ZNF362: variants seen among roughly 807,000 people sequenced by gnomAD.
ZNF362 encodes the protein rotund homolog.
Under a neutral mutation model 42.9 loss-of-function variants are expected in ZNF362, and 11 were observed. The ratio of observed to expected loss-of-function variants is 0.26; its 90% CI spans 0.16 to 0.42. The LOEUF (loss-of-function observed/expected upper bound fraction) is 0.42, where lower values mean the gene tolerates loss of function less well. ZNF362 is among the 20% of genes least tolerant of loss of function. The pLI, the probability that ZNF362 is intolerant of heterozygous loss-of-function variation, is 1.00. For missense variants in ZNF362, 362 were observed against 576.2 expected (o/e 0.63, Z 3.81); for synonymous variants, 255 against 257.3 (o/e 0.99, Z 0.09).
At chr1:33,165,874 C>T in the ZNF362 span, 7,219 of 229,780 alleles carry the variant, frequency 0.031, 168 homozygotes, top group Middle Eastern at 0.062. This position sits in a 1 kb window ranked among gnomAD's most constrained non-coding sequence, Gnocchi z 4.0. Flanking sequence ...CCTGGATCCC[C>T]GCTTAGAATT....
chr1:33,288,645 T>TGA (rs917475006), intron 6 of ZNF362, among the ~76,000 whole-genome samples: 1 of 147,640 alleles, frequency 6.8e-6, no homozygotes, highest in Non-Finnish European at 1.5e-5. Flanking sequence ...CTTGGGAGGC[T>TGA]GAGGCAGGAT....
chr1:33,251,517 C>T (rs1455106386), upstream of ZNF362, among the ~76,000 whole-genome samples: 1 of 152,206 alleles, frequency 6.6e-6, no homozygotes, highest in Non-Finnish European at 1.5e-5. Context: ...TCAGCAACCA[C>T]ATGGACCTTT....
the ZNF362 span, among the ~76,000 whole-genome samples, chr1:33,243,401 G>A: frequency 6.6e-6 from 1 of 151,642 alleles, no homozygotes; most frequent in Non-Finnish European, 1.5e-5. Context: ...GGCCAGGCTG[G>A]TCTTGAAATC....
At chr1:33,248,816 T>C in the ZNF362 span, among the ~76,000 whole-genome samples, 3 of 152,212 alleles carry the variant, frequency 2.0e-5, no homozygotes, top group African/African-American at 7.2e-5. Context: ...AGTTGAATAA[T>C]GGCTAGCTCT....
chr1:33,236,550 A>AAAAAAAAT, the ZNF362 span, among the ~76,000 whole-genome samples: 44 of 5,982 alleles, frequency 7.4e-3, 3 homozygotes, highest in African/African-American at 0.017. Context: ...AAAAAAAAAA[A>AAAAAAAAT]ATATATATAT....
At chr1:33,173,913 G>A in the ZNF362 span, among the ~76,000 whole-genome samples, 1 of 151,948 alleles carries the variant, frequency 6.6e-6, no homozygotes, top group South Asian at 2.1e-4. Flanking sequence ...TGCCCAGGAT[G>A]GTCTCGAACT....
At chr1:33,238,294 G>C in the ZNF362 span, among the ~76,000 whole-genome samples, 1 of 118,536 alleles carries the variant, frequency 8.4e-6, no homozygotes, top group South Asian at 2.8e-4. Context: ...ACGCCAGCCC[G>C]GGTGACAGTG....
chr1:33,282,378 A>G (rs1646002036), intron 6 of ZNF362, among the ~76,000 whole-genome samples: 1 of 152,234 alleles, frequency 6.6e-6, no homozygotes, highest in South Asian at 2.1e-4. Flanking sequence ...CCATTTAACA[A>G]ATACTTATAG....
chr1:33,285,693 T>C (rs562893186), intron 6 of ZNF362, among the ~76,000 whole-genome samples: 2 of 152,340 alleles, frequency 1.3e-5, no homozygotes, highest in South Asian at 4.1e-4. Flanking sequence ...GAGTTTCTCT[T>C]TTTATTTGCC....
chr1:33,203,727 T>C, the ZNF362 span, among the ~76,000 whole-genome samples: 4 of 152,340 alleles, frequency 2.6e-5, no homozygotes, highest in South Asian at 2.1e-4. Flanking sequence ...ATTAGTGATG[T>C]TGAACACCTT....
At chr1:33,138,382 C>T in the ZNF362 span, among the ~76,000 whole-genome samples, 2 of 152,242 alleles carry the variant, frequency 1.3e-5, no homozygotes, top group African/African-American at 4.8e-5. Flanking sequence ...AAAGGCTGGT[C>T]TAGGTGCAGT....
chr1:33,159,617 C>T, the ZNF362 span: 15 of 1,524,668 alleles, frequency 9.8e-6, no homozygotes, highest in Non-Finnish European at 1.3e-5. This position sits in a 1 kb window ranked among gnomAD's most constrained non-coding sequence, Gnocchi z 4.2. Context: ...CATCTGCCTC[C>T]ACTCCCACTG....
the ZNF362 span, among the ~76,000 whole-genome samples, chr1:33,205,594 C>T: frequency 4.6e-5 from 7 of 151,864 alleles, no homozygotes; most frequent in Non-Finnish European, 1.0e-4. Flanking sequence ...CTACAGTAGT[C>T]AAGATATTTT....
chr1:33,213,356 C>G, the ZNF362 span, among the ~76,000 whole-genome samples: 1 of 152,096 alleles, frequency 6.6e-6, no homozygotes, highest in Non-Finnish European at 1.5e-5. Context: ...ACATAACAAC[C>G]TCTCAAAATT....
intron 7 of ZNF362, 32 bp downstream of exon 7, chr1:33,295,047 T>A (rs1646109438): frequency 1.2e-6 from 2 of 1,612,364 alleles, no homozygotes; most frequent in Non-Finnish European, 1.7e-6. Context: ...GCCCACCAGG[T>A]GCTCTGGTGC....
chr1:33,269,867 C>T (rs1369595144), intron 1 of ZNF362, among the ~76,000 whole-genome samples: 1 of 152,134 alleles, frequency 6.6e-6, no homozygotes. Flanking sequence ...CTGAAAGTCT[C>T]CAGGTGGCAG....
chr1:33,269,910 C>A (rs1423423028), intron 1 of ZNF362, among the ~76,000 whole-genome samples: 1 of 152,132 alleles, frequency 6.6e-6, no homozygotes, highest in East Asian at 1.9e-4. Context: ...TTCCTCAGTA[C>A]CCCCTCCCTC....
the ZNF362 span, among the ~76,000 whole-genome samples, chr1:33,144,886 G>A: frequency 4.6e-5 from 7 of 152,204 alleles, no homozygotes; most frequent in African/African-American, 4.8e-5. Flanking sequence ...ACTGACTCTG[G>A]GAGGCAGCTG....
the ZNF362 span, among the ~76,000 whole-genome samples, chr1:33,132,466 C>G: frequency 6.6e-6 from 1 of 152,212 alleles, no homozygotes; most frequent in Admixed American, 6.5e-5. Context: ...AACCCCTAAA[C>G]TGTACTTTCT....
Sources: gnomAD v4.1 joint callset for allele counts (sites outside exome capture counted in the v4.1 genomes callset) on GRCh38, gnomAD v4.1.1 for gene constraint, Gnocchi (gnomAD v3.1) non-coding constraint, MANE v1.5 for transcripts, NCBI Gene and HGNC (gene_info 2026-07-23, HGNC 2026-07-21) for gene names.